Variants in DPF3 observed in about 807,000 individuals in gnomAD.
The protein encoded by DPF3 is double PHD fingers 3.
In DPF3, 18 loss-of-function variants were observed where a neutral mutation model predicts 56.8. The observed-to-expected ratio is 0.32, with a 90% CI of 0.22 to 0.47. The LOEUF is 0.47. Ranked by LOEUF, DPF3 falls within the 20% of genes least tolerant of loss-of-function variation. The probability of loss-of-function intolerance (pLI) is 1.00; values close to 1 mark genes in which losing one functional copy is unlikely to be tolerated. For missense variants in DPF3, 403 were observed against 488.8 expected (o/e 0.82, Z 1.65); for synonymous variants, 188 against 180.2 (o/e 1.04, Z -0.35).
At chr14:72,651,233 C>G (rs1457704202) in intron 8 of DPF3, among the ~76,000 whole-genome samples, 2 of 152,226 alleles carry the variant, frequency 1.3e-5, no homozygotes, top group Non-Finnish European at 2.9e-5. Context: ...ATCTTGGCAT[C>G]GTGCTCCGGG....
At chr14:72,870,701 T>C (rs1192334280) in intron 1 of DPF3, among the ~76,000 whole-genome samples, 1 of 152,250 alleles carries the variant, frequency 6.6e-6, no homozygotes, top group Admixed American at 6.5e-5. Flanking sequence ...TTTTTAAAGA[T>C]GCCAGTGTAA....
intron 1 of DPF3, among the ~76,000 whole-genome samples, chr14:72,808,095 G>A (rs1267537768): frequency 6.6e-6 from 1 of 152,166 alleles, no homozygotes; most frequent in Non-Finnish European, 1.5e-5. Context: ...GGATAAGGTG[G>A]GAGTTAGGAA....
At chr14:72,649,660 T>TGGGGGTGGGG (rs1885841590) in intron 8 of DPF3, among the ~76,000 whole-genome samples, 2 of 61,086 alleles carry the variant, frequency 3.3e-5, no homozygotes, top group African/African-American at 1.0e-4. Flanking sequence ...CATCCCTGGG[T>TGGGGGTGGGG]GGGGGGGGGG....
chr14:72,768,933 CTGTGTGTGTGTGTG>C (rs10543093), intron 2 of DPF3, among the ~76,000 whole-genome samples: 14 of 146,394 alleles, frequency 9.6e-5, no homozygotes, highest in African/African-American at 2.0e-4. Context: ...GTGTGAGTGT[CTGTGTGTGTGTGTG>C]TGTGTGTGTG....
chr14:72,704,225 G>C (rs564709629), intron 6 of DPF3, among the ~76,000 whole-genome samples: 1 of 152,304 alleles, frequency 6.6e-6, no homozygotes, highest in African/African-American at 2.4e-5. Context: ...TGAGTCCTGC[G>C]TTAGCATGTC....
intron 1 of DPF3, among the ~76,000 whole-genome samples, chr14:72,875,545 T>A (rs1011577743): frequency 1.3e-5 from 2 of 152,182 alleles, no homozygotes; most frequent in African/African-American, 4.8e-5. Context: ...ATGTTAGGAA[T>A]CCTACCCAAG....
chr14:72,804,633 T>C (rs1270792151), intron 1 of DPF3, among the ~76,000 whole-genome samples: 7 of 152,138 alleles, frequency 4.6e-5, no homozygotes, highest in Non-Finnish European at 1.0e-4. Flanking sequence ...TTGTTTTTTT[T>C]CCCAATAAGG....
chr14:72,743,444 C>T (rs943237634), intron 3 of DPF3, among the ~76,000 whole-genome samples: 29 of 152,210 alleles, frequency 1.9e-4, no homozygotes, highest in Non-Finnish European at 4.1e-4. Flanking sequence ...GCCGCAGTTT[C>T]CCAACCTCTA....
intron 7 of DPF3, among the ~76,000 whole-genome samples, chr14:72,676,234 T>C (rs75977994): frequency 0.034 from 5,186 of 152,282 alleles, 173 homozygotes; most frequent in African/African-American, 0.084. Flanking sequence ...AATGTGGAGA[T>C]GCCAGTTGTT....
At chr14:72,864,577 A>G (rs944695317) in intron 1 of DPF3, among the ~76,000 whole-genome samples, 1 of 152,214 alleles carries the variant, frequency 6.6e-6, no homozygotes, top group African/African-American at 2.4e-5. Context: ...CCCTCCTACA[A>G]GATTGAAAAT....
At position 72,674,237 on chromosome 14, in the gene DPF3, C is replaced by A. The variant is rs139401957; in HGVS notation, c.871+3G>T. The A allele has an allele frequency of 9.1e-4, 1,460 of 1,611,914 alleles. 4 individuals are homozygous for A. Among genetic ancestry groups the A allele is most frequent in the Middle Eastern group, 2.6e-3 (16 of 6,052 alleles). On this transcript the variant is annotated splice_donor_region_variant and intron_variant, in intron 8 of 10. Coordinates refer to ENST00000556509, the MANE Select transcript of DPF3 (RefSeq NM_001280542.3). Reference sequence around the variant, plus strand: ...ACCCGGTGTGGGAAGGGGCCACACTCACCAGAGCGTCCACAGTCTGCGCAG... The same window carrying A: ...ACCCGGTGTGGGAAGGGGCCACACTAACCAGAGCGTCCACAGTCTGCGCAG...
chr14:72,628,914 A>C (rs1885002863), intron 9 of DPF3, among the ~76,000 whole-genome samples: 1 of 152,238 alleles, frequency 6.6e-6, no homozygotes, highest in African/African-American at 2.4e-5. Flanking sequence ...TGTTATTTAA[A>C]GAAGCTATAT....
chr14:72,767,713 T>A (rs1891344108), intron 2 of DPF3, among the ~76,000 whole-genome samples: 1 of 118,598 alleles, frequency 8.4e-6, no homozygotes, highest in East Asian at 2.4e-4. Context: ...AGGGTTGAAC[T>A]GAAGAAGTAT....
At chr14:72,660,936 G>A in intron 8 of DPF3, 1 of 464,710 alleles carries the variant, frequency 2.2e-6, no homozygotes, top group Non-Finnish European at 2.8e-6. Flanking sequence ...ACAAATCTTG[G>A]CATGGAAGTG....
intron 8 of DPF3, among the ~76,000 whole-genome samples, chr14:72,659,594 T>C (rs1039894679): frequency 3.9e-5 from 6 of 152,154 alleles, no homozygotes; most frequent in Non-Finnish European, 8.8e-5. Context: ...GCCCGAGTCA[T>C]GAGGAAAGAC....
chr14:72,691,810 G>A (rs542912675), intron 7 of DPF3, among the ~76,000 whole-genome samples: 5 of 152,118 alleles, frequency 3.3e-5, no homozygotes, highest in East Asian at 1.9e-4. Context: ...CTGTGCGAGC[G>A]GACAGGAGAA....
chr14:72,887,189 ACACACAC>A (rs1886583423), intron 1 of DPF3, among the ~76,000 whole-genome samples: 1 of 151,422 alleles, frequency 6.6e-6, no homozygotes, highest in Admixed American at 6.6e-5. Flanking sequence ...ACACACACAC[ACACACAC>A]AAAAGGAAGC....
chr14:72,728,991 T>G (rs1889522439), intron 4 of DPF3, among the ~76,000 whole-genome samples: 1 of 152,112 alleles, frequency 6.6e-6, no homozygotes, highest in African/African-American at 2.4e-5. Context: ...CTCATGCCTG[T>G]AATCCCAGCA....
intron 2 of DPF3, among the ~76,000 whole-genome samples, chr14:72,759,038 C>G (rs918900113): frequency 6.6e-6 from 1 of 152,048 alleles, no homozygotes; most frequent in African/African-American, 2.4e-5. Context: ...GAATTAGTAG[C>G]AAGAACATTA....
Sources: gnomAD v4.1 joint callset for allele counts (sites outside exome capture counted in the v4.1 genomes callset) on GRCh38, gnomAD v4.1.1 for gene constraint, MANE v1.5 for transcripts, NCBI Gene and HGNC (gene_info 2026-07-23, HGNC 2026-07-21) for gene names.